TRABD2B: variants seen among roughly 807,000 people sequenced by gnomAD.
The protein encoded by TRABD2B is TraB domain containing 2B, also known as metalloprotease TIKI2.
In TRABD2B, 14 loss-of-function variants were observed where a neutral mutation model predicts 40.1. That is an observed-to-expected ratio of 0.35 (90% CI 0.23 to 0.55). TRABD2B has a LOEUF of 0.55. TRABD2B is among the 20% of genes least tolerant of loss of function. The probability of loss-of-function intolerance (pLI) is 0.90; values close to 1 mark genes in which losing one functional copy is unlikely to be tolerated. For synonymous variants in TRABD2B, 263 were observed against 277.0 expected, an observed-to-expected ratio of 0.95 and a Z score of 0.50; for missense variants, 541 against 648.6, an observed-to-expected ratio of 0.83 and a Z score of 1.80.
intron 2 of TRABD2B, among the ~76,000 whole-genome samples, chr1:47,842,671 T>C (rs1229105485): frequency 1.3e-5 from 2 of 152,234 alleles, no homozygotes; most frequent in African/African-American, 4.8e-5. Context: ...TTTTCCTCCC[T>C]GCAATGCTTC....
intron 2 of TRABD2B, among the ~76,000 whole-genome samples, chr1:47,865,712 T>C (rs1021088763): frequency 6.6e-6 from 1 of 152,180 alleles, no homozygotes; most frequent in South Asian, 2.1e-4. Context: ...AGGTTTCTAA[T>C]GATCCTCTGG....
chr1:47,969,949 T>C (rs943803275), intron 2 of TRABD2B, among the ~76,000 whole-genome samples: 10 of 152,096 alleles, frequency 6.6e-5, no homozygotes, highest in African/African-American at 4.8e-5. Context: ...ACTCTCACAT[T>C]GCAGCCTGAC....
At chr1:47,955,365 A>C (rs951082228) in intron 2 of TRABD2B, among the ~76,000 whole-genome samples, 1 of 152,186 alleles carries the variant, frequency 6.6e-6, no homozygotes, top group African/African-American at 2.4e-5. Flanking sequence ...TCTACAGCAC[A>C]GAATAGTACA....
At chr1:47,864,424 C>T (rs868074651) in intron 2 of TRABD2B, among the ~76,000 whole-genome samples, 4 of 151,854 alleles carry the variant, frequency 2.6e-5, no homozygotes, top group African/African-American at 7.2e-5. Context: ...ATGAGAACTC[C>T]GTAACTTCCT....
chr1:47,978,895 A>G (rs542991311), intron 2 of TRABD2B, among the ~76,000 whole-genome samples: 2 of 152,194 alleles, frequency 1.3e-5, no homozygotes, highest in Non-Finnish European at 2.9e-5. Flanking sequence ...GGAAAAACAC[A>G]GAAGCACGAA....
chr1:47,842,539 G>A (rs1346291180), intron 2 of TRABD2B, among the ~76,000 whole-genome samples: 2 of 152,130 alleles, frequency 1.3e-5, no homozygotes, highest in African/African-American at 4.8e-5. Flanking sequence ...ACATGGTTTG[G>A]AAGTTCAAAC....
intron 2 of TRABD2B, among the ~76,000 whole-genome samples, chr1:47,902,305 A>C (rs1031153778): frequency 1.3e-5 from 2 of 152,128 alleles, no homozygotes; most frequent in Non-Finnish European, 2.9e-5. Context: ...GGGGCACAAT[A>C]GGTGTTGATA....
chr1:47,795,900 C>T (rs1313956375), intron 3 of TRABD2B, among the ~76,000 whole-genome samples: 1 of 152,144 alleles, frequency 6.6e-6, no homozygotes, highest in African/African-American at 2.4e-5. Context: ...TTTGCCATCA[C>T]CCCACACTAT....
chr1:47,804,364 C>T (rs763306972), intron 2 of TRABD2B, among the ~76,000 whole-genome samples: 7 of 152,262 alleles, frequency 4.6e-5, no homozygotes, highest in African/African-American at 7.2e-5. Context: ...TCCTCCCACA[C>T]GGCACATGCC....
intron 2 of TRABD2B, among the ~76,000 whole-genome samples, chr1:47,871,850 T>G (rs1239306100): frequency 6.6e-6 from 1 of 152,196 alleles, no homozygotes; most frequent in East Asian, 1.9e-4. Context: ...CATGGGGATC[T>G]TGGTACAAAC....
In TRABD2B at chr1:47,842,245, C is replaced by T. The variant is rs575555819; in HGVS notation, c.667-40626G>A. ...AGAATGGTGATACTGGCAGGGTGCA[C>T]TAGGGTAAAAGGCAGAGGCTGCCCA... On this transcript the variant is annotated intron_variant, in intron 2 of 6. Coordinates refer to ENST00000606738, the MANE Select transcript of TRABD2B (RefSeq NM_001194986.2). Among the ~76,000 whole-genome samples, 8 of 152,318 alleles carry T rather than the reference C, an allele frequency of 5.3e-5. No individual in the cohort carries two copies. The South Asian group carries it at 1.7e-3, about 32-fold the overall frequency.
At chr1:47,932,063 C>T (rs1432632365) in intron 2 of TRABD2B, among the ~76,000 whole-genome samples, 1 of 152,096 alleles carries the variant, frequency 6.6e-6, no homozygotes, top group Non-Finnish European at 1.5e-5. Flanking sequence ...GGAAGAGTAC[C>T]TGAAATCAAG....
intron 2 of TRABD2B, among the ~76,000 whole-genome samples, chr1:47,883,897 C>A (rs191969161): frequency 1.3e-5 from 2 of 152,226 alleles, no homozygotes; most frequent in African/African-American, 4.8e-5. Flanking sequence ...TCAACTTTAC[C>A]AAAAGCTCTG....
intron 2 of TRABD2B, among the ~76,000 whole-genome samples, chr1:47,855,118 T>C (rs935144696): frequency 6.6e-6 from 1 of 152,150 alleles, no homozygotes; most frequent in African/African-American, 2.4e-5. Flanking sequence ...TGGGTTTTGT[T>C]TAAACCTTTT....
At chr1:47,974,363 C>T (rs1645724695) in intron 2 of TRABD2B, among the ~76,000 whole-genome samples, 1 of 152,074 alleles carries the variant, frequency 6.6e-6, no homozygotes, top group Non-Finnish European at 1.5e-5. Context: ...CCCAGGTGTT[C>T]ATGGCTGGCT....
intron 2 of TRABD2B, among the ~76,000 whole-genome samples, chr1:47,858,861 C>G (rs1482163776): frequency 6.6e-6 from 1 of 152,172 alleles, no homozygotes; most frequent in East Asian, 1.9e-4. Flanking sequence ...GGATGGCGGC[C>G]TGGTGGACTA....
At chr1:47,944,587 T>A (rs760285556) in intron 2 of TRABD2B, among the ~76,000 whole-genome samples, 2 of 152,114 alleles carry the variant, frequency 1.3e-5, no homozygotes, top group Admixed American at 1.3e-4. Context: ...AGGTAGGAAG[T>A]GCTGCAGACT....
chr1:47,824,131 A>G (rs2124421512), intron 2 of TRABD2B, among the ~76,000 whole-genome samples: 1 of 152,204 alleles, frequency 6.6e-6, no homozygotes, highest in Non-Finnish European at 1.5e-5. Flanking sequence ...GCTCCTATCT[A>G]CTGCACAGGG....
chr1:47,836,036 G>A (rs1397501027), intron 2 of TRABD2B, among the ~76,000 whole-genome samples: 1 of 152,106 alleles, frequency 6.6e-6, no homozygotes. Context: ...CAAAGGAGGA[G>A]GGAGGAAAAG....
Sources: allele counts gnomAD v4.1 joint callset (sites outside exome capture counted in the v4.1 genomes callset), GRCh38; gene constraint gnomAD v4.1.1; transcripts MANE v1.5; gene names NCBI Gene and HGNC (gene_info 2026-07-23, HGNC 2026-07-21).